The following COPE variants were observed in gnomAD, a reference collection of about 807,000 sequenced individuals.
The protein encoded by COPE is coat protein complex I subunit epsilon, also known as coatomer subunit epsilon.
A neutral mutation model predicts 42.1 loss-of-function variants in COPE; 19 were observed. The observed-to-expected ratio is 0.45, with a 90% confidence interval of 0.31 to 0.66. COPE has a LOEUF of 0.66. Among genes scored for constraint, COPE ranks in the 30% least tolerant of loss-of-function variants. COPE has a pLI of 0.05. For missense variants in COPE, 402 were observed against 416.1 expected (o/e 0.97, Z 0.30); for synonymous variants, 195 against 181.3 (o/e 1.08, Z -0.60).
intron 1 of COPE, among the ~76,000 whole-genome samples, chr19:18,914,977 C>T (rs571512409): frequency 1.2e-3 from 180 of 152,060 alleles, no homozygotes; most frequent in African/African-American, 4.2e-3. Flanking sequence ...CCAGCCGCCT[C>T]GGCCTCCCAA....
rs552685185 is a variant in COPE at position 18,906,812 on chromosome 19, T to C, written c.443+148A>G. ...TGCCTCCCACACTGGGCAGGGGAGC[T>C]GGAGCCTGGACAGCAGGCCAGGGCC... On this transcript the variant is annotated intron_variant, in intron 4 of 9. Coordinates refer to ENST00000262812, the MANE Select transcript of COPE (RefSeq NM_007263.4). 1.7e-5 allele frequency: 16 copies of C among 935,532 alleles called. No homozygotes were observed. The African/African-American group carries it at 2.5e-4, about 15-fold the overall frequency. 58.0% of individuals were successfully genotyped at this position (935,532 alleles called of 1,614,324 possible). A position where few individuals can be genotyped will look rare whatever the true frequency, so the allele number is the denominator to read the frequency against.
chr19:18,904,553 G>GC (rs2056740361), intron 6 of COPE, among the ~76,000 whole-genome samples: 1 of 152,224 alleles, frequency 6.6e-6, no homozygotes, highest in Non-Finnish European at 1.5e-5. Flanking sequence ...ACCCGTCCCC[G>GC]CCCCCACCAT....
At chr19:18,909,961 G>T (rs2056794987) in intron 3 of COPE, among the ~76,000 whole-genome samples, 1 of 152,178 alleles carries the variant, frequency 6.6e-6, no homozygotes, top group Non-Finnish European at 1.5e-5. Context: ...GATAGGATAT[G>T]GACGTACCTT....
intron 1 of COPE, among the ~76,000 whole-genome samples, chr19:18,918,508 G>C (rs1324005423): frequency 6.6e-6 from 1 of 151,988 alleles, no homozygotes; most frequent in African/African-American, 2.4e-5. Context: ...GCGCGATCTC[G>C]GTTCACTGCA....
At chr19:18,915,511 C>T (rs1159460246) in intron 1 of COPE, among the ~76,000 whole-genome samples, 4 of 152,216 alleles carry the variant, frequency 2.6e-5, no homozygotes, top group East Asian at 1.9e-4. Context: ...TGTGTGTCCC[C>T]GGGGTGGGAG....
At chr19:18,902,493 C>T (rs1473151428) in intron 7 of COPE, among the ~76,000 whole-genome samples, 2 of 149,006 alleles carry the variant, frequency 1.3e-5, no homozygotes, top group African/African-American at 2.5e-5. Context: ...GGCAAAACCC[C>T]GTCTCTACTA....
At chr19:18,917,608 A>T (rs567654666) in intron 1 of COPE, among the ~76,000 whole-genome samples, 74 of 151,996 alleles carry the variant, frequency 4.9e-4, no homozygotes, top group Non-Finnish European at 8.1e-4. Flanking sequence ...ACCTCAGGTG[A>T]TCCGCCCGCC....
chr19:18,903,305 TC>T lies in COPE; in HGVS notation c.697del (p.Glu233ArgfsTer11). 3 of 1,608,722 alleles carry T rather than the reference TC, an allele frequency of 1.9e-6. No homozygotes were observed. Among genetic ancestry groups the T allele is most frequent in the Non-Finnish European group, 2.5e-6 (3 of 1,177,746 alleles). On this transcript the variant is annotated frameshift_variant, in exon 7 of 10. Coordinates refer to ENST00000262812, the MANE Select transcript of COPE (RefSeq NM_007263.4). LOFTEE classifies it high-confidence loss of function. ...AACHMAQGRWEAAEGLLQEAL... is the reference protein window; with the variant it reads ...AACHMAQGRWXAAEGLLQEAL... Reference sequence around the variant, plus strand: ...CTCCTGCAGCAGGCCCTCAGCGGCCTCCCAGCGGCCCTGGGCCATGTGGCAG... The same window carrying T: ...CTCCTGCAGCAGGCCCTCAGCGGCCTCCAGCGGCCCTGGGCCATGTGGCAG...
At chr19:18,903,502 G>C in intron 6 of COPE, 79 bp from the exon 7 acceptor site, 1 of 1,499,702 alleles carries the variant, frequency 6.7e-7, no homozygotes, top group South Asian at 1.3e-5. Flanking sequence ...CCTAGCGGGG[G>C]GGACTCCAGC....
intron 7 of COPE, among the ~76,000 whole-genome samples, chr19:18,902,752 G>GTAGGA (rs1568314686): frequency 2.0e-5 from 1 of 48,878 alleles, no homozygotes; most frequent in Non-Finnish European, 3.7e-5. Context: ...GGAAGGAAAG[G>GTAGGA]AAGGAAGGAA....
intron 7 of COPE, among the ~76,000 whole-genome samples, chr19:18,902,884 C>T (rs370587513): frequency 6.6e-6 from 1 of 151,448 alleles, no homozygotes; most frequent in African/African-American, 2.4e-5. Flanking sequence ...GCAGGCAGCG[C>T]TCTCTCAACG....
intron 6 of COPE, 129 bp downstream of exon 6, chr19:18,904,642 G>T: frequency 2.6e-6 from 2 of 778,628 alleles, no homozygotes; most frequent in Non-Finnish European, 4.1e-6. Flanking sequence ...TGCCAGGCTG[G>T]CAGGGGCCAC....
At chr19:18,916,640 T>A (rs2056856034) in intron 1 of COPE, among the ~76,000 whole-genome samples, 1 of 150,978 alleles carries the variant, frequency 6.6e-6, no homozygotes, top group Non-Finnish European at 1.5e-5. Flanking sequence ...ATACAAAAAT[T>A]AGCTGGGTGT....
At chr19:18,909,253 T>C (rs944810700) in intron 3 of COPE, among the ~76,000 whole-genome samples, 1 of 152,238 alleles carries the variant, frequency 6.6e-6, no homozygotes, top group Admixed American at 6.5e-5. Flanking sequence ...GGAGGTCACC[T>C]GTCTCAATGT....
chr19:18,909,416 T>C (rs990627537), intron 3 of COPE, among the ~76,000 whole-genome samples: 21 of 152,068 alleles, frequency 1.4e-4, no homozygotes, highest in Non-Finnish European at 2.9e-5. Flanking sequence ...CCCAGGCCTC[T>C]CTCCCAGCTC....
intron 7 of COPE, 88 bp downstream of exon 7, chr19:18,903,180 T>A (rs2056724938): frequency 7.2e-7 from 1 of 1,389,724 alleles, no homozygotes. Context: ...AGGGGGTCTC[T>A]GCTACACTTG....
chr19:18,917,241 CTT>C (rs531312180), intron 1 of COPE, among the ~76,000 whole-genome samples: 60 of 110,626 alleles, frequency 5.4e-4, no homozygotes, highest in Non-Finnish European at 4.1e-4. Context: ...TTCTTTTTTT[CTT>C]TTTTTTTTTT....
In COPE at chr19:18,919,226, C is replaced by CA. The variant is rs1240723166; in HGVS notation, c.122dup (p.Lys42GlufsTer17). 1 of 1,611,662 alleles carries CA rather than the reference C, an allele frequency of 6.2e-7. No homozygotes were observed. Among genetic ancestry groups the CA allele is most frequent in the Non-Finnish European group, 8.5e-7 (1 of 1,178,876 alleles). ...CCGCGCCCCTGCGCGGCCGCACCTT[C>CA]ACCCGCTGCGCCTCGTTTATGCACT... On this transcript the variant is annotated frameshift_variant, in exon 1 of 10. Transcript: ENST00000262812. LOFTEE classifies it high-confidence loss of function.
intron 1 of COPE, among the ~76,000 whole-genome samples, chr19:18,918,341 T>TA: frequency 6.6e-6 from 1 of 150,734 alleles, no homozygotes; most frequent in Middle Eastern, 3.4e-3. Context: ...TAAAAACTCT[T>TA]AGTCTGTAAA....
Sources: gnomAD v4.1 joint callset for allele counts (sites outside exome capture counted in the v4.1 genomes callset) on GRCh38, gnomAD v4.1.1 for gene constraint, MANE v1.5 for transcripts, NCBI Gene and HGNC (gene_info 2026-07-23, HGNC 2026-07-21) for gene names.